HMOX2: variants seen among roughly 807,000 people sequenced by gnomAD.
The protein encoded by HMOX2 is heme oxygenase (decycling) 2.
A neutral mutation model predicts 33.7 loss-of-function variants in HMOX2; 30 were observed. The observed-to-expected ratio is 0.89, with a 90% CI of 0.67 to 1.21. HMOX2 has a LOEUF of 1.21. Ranked by LOEUF, HMOX2 falls within the 50% of genes most tolerant of loss-of-function variation. The pLI, the probability that HMOX2 is intolerant of heterozygous loss-of-function variation, is 0.00. For missense variants in HMOX2, 403 were observed against 399.1 expected (o/e 1.01, Z -0.08); for synonymous variants, 155 against 155.0 (o/e 1.00, Z 0.00).
chr16:4,476,618 C>T (rs932887083), intron 1 of HMOX2, 131 bp downstream of exon 1: 1 of 152,302 alleles, frequency 6.6e-6, no homozygotes, highest in East Asian at 1.9e-4. Context: ...CTTTGGGTCC[C>T]CTGCGCCGGT....
intron 1 of HMOX2, among the ~76,000 whole-genome samples, chr16:4,491,485 AC>A (rs1330002807): frequency 6.6e-6 from 1 of 151,926 alleles, no homozygotes; most frequent in African/African-American, 2.4e-5. Context: ...CCCCATCTCT[AC>A]AAAAAATACC....
intron 1 of HMOX2, among the ~76,000 whole-genome samples, chr16:4,487,982 G>T (rs529860706): frequency 3.3e-5 from 5 of 151,290 alleles, no homozygotes; most frequent in East Asian, 3.9e-4. Flanking sequence ...ATGTAGCCGG[G>T]TGTGGTTTTG....
chr16:4,507,565 C>T (rs1459774411), intron 3 of HMOX2, 148 bp from the exon 4 acceptor site: 39 of 788,356 alleles, frequency 4.9e-5, no homozygotes, highest in Non-Finnish European at 4.6e-5. Flanking sequence ...GAAACAAAAG[C>T]TTCCTTGTGT....
chr16:4,493,566 T>A (rs1413647644), intron 1 of HMOX2, among the ~76,000 whole-genome samples: 2 of 152,216 alleles, frequency 1.3e-5, no homozygotes, highest in Non-Finnish European at 2.9e-5. Context: ...CAGGGTTTGC[T>A]CTTGGTTGTG....
intron 1 of HMOX2, among the ~76,000 whole-genome samples, chr16:4,479,082 C>G (rs1026401791): frequency 5.9e-5 from 9 of 152,168 alleles, no homozygotes; most frequent in Admixed American, 5.9e-4. Context: ...ACCTGGGAGG[C>G]AGAGGTTTCA....
intron 4 of HMOX2, 123 bp from the exon 5 acceptor site, chr16:4,509,289 A>G: frequency 8.0e-7 from 1 of 1,248,148 alleles, no homozygotes; most frequent in Admixed American, 2.2e-5. Context: ...GCAGTGAGTT[A>G]GCCATGTTCA....
rs766667349 is a variant in HMOX2, at chr16:4,506,890, C to T, written c.87-5C>T. ...GACACACAAACACCTCCCATCTCTC[C>T]ACAGAATGGCTGACCTCTCGGAGCT... On this transcript the variant is annotated splice_polypyrimidine_tract_variant and splice_region_variant and intron_variant, in intron 2 of 5. Transcript: ENST00000570646. 6.2e-7 allele frequency: 1 copy of T among 1,606,740 alleles called. No homozygotes were observed. The highest frequency in any genetic ancestry group is 8.5e-7 in the Non-Finnish European group (1 of 1,173,338).
chr16:4,487,441 C>A (rs867194513), intron 1 of HMOX2, among the ~76,000 whole-genome samples: 1 of 151,732 alleles, frequency 6.6e-6, no homozygotes, highest in Non-Finnish European at 1.5e-5. Context: ...GAGGCCGAGG[C>A]GGGCGGATCA....
intron 1 of HMOX2, among the ~76,000 whole-genome samples, chr16:4,477,716 C>T (rs908441921): frequency 1.1e-4 from 16 of 151,684 alleles, no homozygotes; most frequent in African/African-American, 2.7e-4. Flanking sequence ...GTCAGGAGTT[C>T]GAGATCAGCC....
chr16:4,488,127 CA>C (rs60429116), intron 1 of HMOX2, among the ~76,000 whole-genome samples: 74 of 69,312 alleles, frequency 1.1e-3, no homozygotes, highest in South Asian at 2.4e-3. Flanking sequence ...AACTCCATCT[CA>C]AAAAAAAAAA....
At chr16:4,486,663 G>A (rs1303459618) in intron 1 of HMOX2, among the ~76,000 whole-genome samples, 1 of 152,196 alleles carries the variant, frequency 6.6e-6, no homozygotes, top group Non-Finnish European at 1.5e-5. Context: ...GGGAACAGTG[G>A]CTAATCCAGG....
At chr16:4,494,808 A>T (rs2058381311) in intron 1 of HMOX2, among the ~76,000 whole-genome samples, 1 of 152,032 alleles carries the variant, frequency 6.6e-6, no homozygotes, top group South Asian at 2.1e-4. Context: ...GAGCCTGGGA[A>T]ATCCAGGCTG....
Position 4,505,550 on chromosome 16 carries a change from AG to A in HMOX2, c.31del (p.Val11Ter), listed in dbSNP as rs749124703. MSAEVETS[E>X]GVDESEKKNS... ...ATGTCAGCGGAAGTGGAAACCTCAG[AG>A]GGGGTAGACGAGTCAGAAAAAAAGA... is the stretch of plus-strand genomic sequence containing the variant. On this transcript the variant is annotated frameshift_variant, in exon 2 of 6. Coordinates refer to ENST00000570646, the MANE Select transcript of HMOX2 (RefSeq NM_002134.4). LOFTEE classifies it high-confidence loss of function. 136 of 1,607,516 alleles carry A rather than the reference AG, an allele frequency of 8.5e-5. No homozygotes were observed. In the African/African-American group the frequency reaches 1.6e-3, roughly 19 times the overall value.
intron 1 of HMOX2, among the ~76,000 whole-genome samples, chr16:4,483,161 GT>G (rs1567380619): frequency 0.14 from 14 of 98 alleles, no homozygotes; most frequent in African/African-American, 0.24. Flanking sequence ...GCAAACCCTG[GT>G]GTGTGTGTGT....
At chr16:4,506,091 G>A (rs1264046391) in intron 2 of HMOX2, among the ~76,000 whole-genome samples, 2 of 151,822 alleles carry the variant, frequency 1.3e-5, no homozygotes, top group Non-Finnish European at 2.9e-5. Context: ...TTTATCCCTT[G>A]AAATAATTGC....
At chr16:4,503,546 A>G (rs1231403924) in intron 1 of HMOX2, among the ~76,000 whole-genome samples, 1 of 152,214 alleles carries the variant, frequency 6.6e-6, no homozygotes, top group Non-Finnish European at 1.5e-5. Context: ...GTGTTCTCAG[A>G]CATCACTAAG....
intron 1 of HMOX2, among the ~76,000 whole-genome samples, chr16:4,495,174 A>G (rs2058389587): frequency 6.6e-6 from 1 of 152,214 alleles, no homozygotes; most frequent in East Asian, 1.9e-4. Context: ...CCTATATACT[A>G]AGGGAGGAAA....
At chr16:4,491,883 C>T (rs2058315200) in intron 1 of HMOX2, among the ~76,000 whole-genome samples, 1 of 151,838 alleles carries the variant, frequency 6.6e-6, no homozygotes, top group Non-Finnish European at 1.5e-5. Context: ...AGGGTTTTAC[C>T]ATATTTGCCA....
chr16:4,498,386 C>CT (rs571228130), intron 1 of HMOX2, among the ~76,000 whole-genome samples: 13,380 of 142,204 alleles, frequency 0.094, 1,025 homozygotes, highest in African/African-American at 0.21. Flanking sequence ...TTAACTTGCT[C>CT]TTTTTTTTTT....
Sources: allele counts gnomAD v4.1 joint callset (sites outside exome capture counted in the v4.1 genomes callset), GRCh38; gene constraint gnomAD v4.1.1; transcripts MANE v1.5; gene names NCBI Gene and HGNC (gene_info 2026-07-23, HGNC 2026-07-21).